The following HAO1 variants were observed in gnomAD, a reference collection of about 807,000 sequenced individuals.
HAO1 encodes 2-Hydroxyacid oxidase 1.
Under a neutral mutation model 39.7 loss-of-function variants are expected in HAO1, and 34 were observed. The observed-to-expected ratio is 0.86, with a 90% CI of 0.65 to 1.14. The LOEUF is 1.14. HAO1 is among the 50% of genes most tolerant of loss of function. The pLI, the probability that HAO1 is intolerant of heterozygous loss-of-function variation, is 0.00. For synonymous variants in HAO1, 172 were observed against 173.2 expected (o/e 0.99, Z 0.05); for missense variants, 479 against 464.5 (o/e 1.03, Z -0.29).
rs568562953 is a variant in HAO1, at chr20:7,883,137, T to A, written c.*456A>T. The A allele has an allele frequency of 9.2e-4, 150 of 163,368 alleles. 1 individual carries two copies. Among genetic ancestry groups the A allele is most frequent in the African/African-American group, 3.5e-3 (146 of 41,814 alleles). 10.1% of individuals were successfully genotyped at this position (163,368 alleles called of 1,614,324 possible). ...CATTCCAATTCTCTCCAGTGCTACC[T>A]TCTCAAAGTTGTGAATCAGGCATTA... On this transcript the variant is annotated 3_prime_UTR_variant, in exon 8 of 8. Transcript: ENST00000378789.
chr20:7,900,304 G>A (rs1401252579), intron 4 of HAO1, among the ~76,000 whole-genome samples: 5 of 152,104 alleles, frequency 3.3e-5, no homozygotes, highest in Non-Finnish European at 5.9e-5. Context: ...CCACCAGCAA[G>A]AAGACTACAA....
At chr20:7,903,724 G>A (rs571161925) in intron 4 of HAO1, among the ~76,000 whole-genome samples, 47 of 150,498 alleles carry the variant, frequency 3.1e-4, no homozygotes, top group Non-Finnish European at 5.9e-4. Context: ...GGCTATGGTG[G>A]TAGTTGTGGT....
At position 7,914,122 on chromosome 20, in the gene HAO1, A is replaced by T. The variant is rs147249564; in HGVS notation, c.545+42T>A. On this transcript the variant is annotated intron_variant, in intron 3 of 7. Transcript: ENST00000378789. Reference sequence around the variant, plus strand: ...CCAGACCCTAACATTCCCAGTCAAGATCCCTTTCGCCTCAGCTCGGGGCCC... The same window carrying T: ...CCAGACCCTAACATTCCCAGTCAAGTTCCCTTTCGCCTCAGCTCGGGGCCC... 643 of 1,607,664 alleles carry T rather than the reference A, an allele frequency of 4.0e-4. 3 individuals carry two copies. In the Middle Eastern group the frequency reaches 4.6e-3, roughly 12 times the overall value.
chr20:7,934,100 C>G (rs562569614), intron 2 of HAO1, among the ~76,000 whole-genome samples: 1 of 152,290 alleles, frequency 6.6e-6, no homozygotes, highest in Admixed American at 6.5e-5. Context: ...TTGGGCAAGT[C>G]TACCTGTCAG....
chr20:7,914,164 C>G lies in HAO1; in HGVS notation c.545G>C (p.Arg182Thr), dbSNP rs6118003. ...TCGGGGCCCACATGATCATGGTTAC[C>G]TGAGTTGTGGCGGCAGTTTGAATCT... ...RNRFKLPPQL[R>T]MKNFETSTLS... The change falls in exon 3 of 8, where the codon AGG becomes ACG. Residue 182 changes from arginine to threonine, a missense_variant and splice_region_variant. Arg to Thr is a moderately conservative substitution (Grantham distance 71). Transcript: ENST00000378789. 2.5e-6 allele frequency: 4 copies of G among 1,613,846 alleles called. No individual in the cohort carries two copies. Among genetic ancestry groups the G allele is most frequent in the Non-Finnish European group, 2.5e-6 (3 of 1,179,798 alleles).
intron 2 of HAO1, among the ~76,000 whole-genome samples, chr20:7,925,145 C>A (rs544746918): frequency 6.6e-6 from 1 of 152,218 alleles, no homozygotes; most frequent in South Asian, 2.1e-4. Flanking sequence ...TTGAGATTAA[C>A]CAGAAAAATA....
intron 1 of HAO1, among the ~76,000 whole-genome samples, chr20:7,936,547 TTCGCGCGCGCGCGCGCGC>T (rs2050412129): frequency 7.3e-5 from 10 of 136,712 alleles, no homozygotes; most frequent in South Asian, 2.5e-4. Context: ...TGTGTGTGTG[TTCGCGCGCGCGCGCGCGC>T]GTGCGTGCCA....
intron 3 of HAO1, among the ~76,000 whole-genome samples, chr20:7,908,829 C>T (rs991312402): frequency 4.6e-5 from 7 of 152,108 alleles, no homozygotes; most frequent in African/African-American, 1.7e-4. Context: ...TATGGTCACC[C>T]TAATTTGAAT....
chr20:7,927,057 A>G (rs1182477413), intron 2 of HAO1, among the ~76,000 whole-genome samples: 2 of 151,982 alleles, frequency 1.3e-5, no homozygotes, highest in African/African-American at 4.8e-5. Flanking sequence ...TTGATTTCTC[A>G]TGTTTAAAGG....
intron 2 of HAO1, among the ~76,000 whole-genome samples, chr20:7,925,617 T>C (rs185603263): frequency 1.3e-5 from 2 of 152,288 alleles, no homozygotes; most frequent in African/African-American, 4.8e-5. Flanking sequence ...GATAGGCCTT[T>C]AAATAATGGT....
intron 4 of HAO1, among the ~76,000 whole-genome samples, chr20:7,896,837 C>G (rs186498442): frequency 6.6e-6 from 1 of 152,302 alleles, no homozygotes; most frequent in Admixed American, 6.5e-5. Flanking sequence ...CTGAAGATAA[C>G]CCCTGGAGCC....
intron 2 of HAO1, among the ~76,000 whole-genome samples, chr20:7,923,417 A>T (rs566184907): frequency 2.2e-4 from 34 of 152,256 alleles, no homozygotes; most frequent in Non-Finnish European, 1.5e-5. Flanking sequence ...TAGGAAATCC[A>T]TTGTGTACAT....
chr20:7,911,002 A>G (rs548497041), intron 3 of HAO1, among the ~76,000 whole-genome samples: 81 of 152,340 alleles, frequency 5.3e-4, no homozygotes, highest in African/African-American at 1.9e-3. Context: ...AAGTGAGGCT[A>G]TTAGTCATGC....
At chr20:7,884,708 A>T (rs2050143141) in intron 7 of HAO1, among the ~76,000 whole-genome samples, 1 of 152,206 alleles carries the variant, frequency 6.6e-6, no homozygotes. Flanking sequence ...AGAAGTTGGG[A>T]TCAGAAAGAT....
intron 7 of HAO1, among the ~76,000 whole-genome samples, chr20:7,884,488 A>G (rs1600103367): frequency 6.6e-6 from 1 of 152,206 alleles, no homozygotes; most frequent in East Asian, 1.9e-4. Context: ...TTTTAAACAC[A>G]GTAATCAGGA....
intron 2 of HAO1, among the ~76,000 whole-genome samples, chr20:7,923,607 T>A (rs537740205): frequency 9.0e-4 from 137 of 152,264 alleles, no homozygotes; most frequent in African/African-American, 3.0e-3. Context: ...ACAATATCCA[T>A]CTACATCTAA....
intron 2 of HAO1, among the ~76,000 whole-genome samples, chr20:7,915,771 A>T (rs894223045): frequency 2.0e-5 from 3 of 152,198 alleles, no homozygotes; most frequent in Non-Finnish European, 4.4e-5. Context: ...ATATTAAGGA[A>T]AGAAAAAAGT....
At chr20:7,935,635 G>GT (rs1324330269) in intron 1 of HAO1, among the ~76,000 whole-genome samples, 3 of 152,106 alleles carry the variant, frequency 2.0e-5, no homozygotes, top group African/African-American at 7.2e-5. Context: ...GTGTTAAAAA[G>GT]TTTTTGACTC....
At chr20:7,933,868 T>C (rs2050397675) in intron 2 of HAO1, among the ~76,000 whole-genome samples, 1 of 152,202 alleles carries the variant, frequency 6.6e-6, no homozygotes, top group South Asian at 2.1e-4. Flanking sequence ...TTTGATTTTC[T>C]CATCACTCCC....
Sources: allele counts gnomAD v4.1 joint callset (sites outside exome capture counted in the v4.1 genomes callset), GRCh38; gene constraint gnomAD v4.1.1; transcripts MANE v1.5; gene names NCBI Gene and HGNC (gene_info 2026-07-23, HGNC 2026-07-21).